HECW1: variants seen among roughly 807,000 people sequenced by gnomAD.
HECW1 encodes the protein E3 ubiquitin-protein ligase HECW1.
A neutral mutation model predicts 182.3 loss-of-function variants in HECW1; 61 were observed. The observed-to-expected ratio is 0.33, with a 90% CI of 0.27 to 0.41. The LOEUF is 0.41. Ranked by LOEUF, HECW1 falls within the 10% of genes least tolerant of loss-of-function variation. HECW1 has a pLI of 1.00. For missense variants in HECW1, 1,739 were observed against 2,108.9 expected (o/e 0.82, Z 3.44); for synonymous variants, 859 against 832.6 (o/e 1.03, Z -0.55).
intron 6 of HECW1, among the ~76,000 whole-genome samples, chr7:43,371,589 G>A (rs1245235057): frequency 4.6e-5 from 7 of 152,096 alleles, no homozygotes; most frequent in African/African-American, 1.7e-4. Context: ...TTTTTTTCAA[G>A]GCAGTTTAGC....
intron 3 of HECW1, chr7:43,274,122 GA>G: frequency 2.5e-6 from 1 of 396,448 alleles, no homozygotes. Context: ...AAGTGCTGGA[GA>G]AAAGCGCGGG....
At chr7:43,408,808 G>A (rs990335130) in intron 8 of HECW1, among the ~76,000 whole-genome samples, 1 of 152,188 alleles carries the variant, frequency 6.6e-6, no homozygotes, top group African/African-American at 2.4e-5. Context: ...GGTCATGAGA[G>A]TGGATGGGGT....
chr7:43,452,238 A>G (rs2077258391), intron 12 of HECW1, among the ~76,000 whole-genome samples: 1 of 152,238 alleles, frequency 6.6e-6, no homozygotes, highest in African/African-American at 2.4e-5. Flanking sequence ...TATGTATAAC[A>G]TGTTATCTCC....
chr7:43,463,520 A>C, intron 13 of HECW1, 140 bp from the exon 14 acceptor site: 2 of 729,888 alleles, frequency 2.7e-6, no homozygotes, highest in South Asian at 3.9e-5. Flanking sequence ...TGTTCTGGCT[A>C]TCTTGTGGGA....
chr7:43,496,619 T>C (rs1384691261), intron 19 of HECW1, among the ~76,000 whole-genome samples: 1 of 152,296 alleles, frequency 6.6e-6, no homozygotes, highest in Admixed American at 6.5e-5. Flanking sequence ...CCAGAAGAAC[T>C]CATGGCTTCC....
intron 26 of HECW1, among the ~76,000 whole-genome samples, chr7:43,544,135 G>A (rs531198430): frequency 2.6e-5 from 4 of 152,048 alleles, no homozygotes; most frequent in East Asian, 1.9e-4. Context: ...TACAGATATC[G>A]CACAAATTCT....
chr7:43,492,272 C>G (rs1401252589), intron 18 of HECW1, 92 bp downstream of exon 18: 4 of 857,024 alleles, frequency 4.7e-6, no homozygotes, highest in Non-Finnish European at 7.5e-6. Flanking sequence ...TGTCATGAAC[C>G]CTTTACTATT....
In HECW1 at chr7:43,392,295, TGTAAATGGA is replaced by T. The variant is rs541971635; in HGVS notation, c.556-4516_556-4508del. Among the ~76,000 whole-genome samples the T allele has an allele frequency of 1.3e-3, 193 of 152,294 alleles. 1 individual carries two copies. The highest frequency in any genetic ancestry group is 4.3e-3 in the African/African-American group (177 of 41,546). On this transcript the variant is annotated intron_variant, in intron 6 of 29. Coordinates refer to ENST00000395891, the MANE Select transcript of HECW1 (RefSeq NM_015052.5). ...AATTATTTGAGAATAATCGTGGGTA[TGTAAATGGA>T]GTTATCACATCAGAATTGAGCATAA...
At position 43,444,859 on chromosome 7, in the gene HECW1, A is replaced by G; in HGVS notation, c.1687A>G (p.Ile563Val). Residue 563 changes from isoleucine to valine, a missense_variant, in exon 11 of 30, where the codon ATC becomes GTC. By Grantham distance (29) the Ile-to-Val change is conservative. This residue lies in a region of HECW1 where 971 missense variants were observed against 1,029.1 expected (regional missense o/e 0.94). Transcript: ENST00000395891. The surrounding 1 kb of genome is among the most constrained non-coding windows in gnomAD (Gnocchi z 4.3). ...GACCCCGCGGACACACTACATCCGC[A>G]TCCACACCCTGCTGCACAGCATGCC... ...PETPRTHYIR[I>V]HTLLHSMPSA... 6.2e-7 allele frequency: 1 copy of G among 1,612,942 alleles called. No homozygotes were observed.
intron 7 of HECW1, among the ~76,000 whole-genome samples, chr7:43,398,464 A>C (rs1554399005): frequency 1.2e-4 from 18 of 152,178 alleles, no homozygotes; most frequent in Non-Finnish European, 1.5e-5. Flanking sequence ...CAGATGTTGC[A>C]GGCCATGAAT....
At chr7:43,194,075 G>C (rs983556939) in intron 2 of HECW1, among the ~76,000 whole-genome samples, 1 of 152,120 alleles carries the variant, frequency 6.6e-6, no homozygotes, top group Non-Finnish European at 1.5e-5. Flanking sequence ...TCAATCTTGG[G>C]ATCTCTTTTA....
At chr7:43,511,578 C>G (rs2079873526) in intron 24 of HECW1, 2 of 152,270 alleles carry the variant, frequency 1.3e-5, no homozygotes, top group African/African-American at 4.8e-5. Flanking sequence ...AACTGGTTTT[C>G]TTTGCACAGA....
intron 2 of HECW1, among the ~76,000 whole-genome samples, chr7:43,234,243 C>T (rs1035352257): frequency 6.6e-6 from 1 of 152,192 alleles, no homozygotes. Flanking sequence ...TCCCAACTTC[C>T]TCCCTCCTCA....
chr7:43,325,712 C>T (rs993522090), intron 5 of HECW1, among the ~76,000 whole-genome samples: 15 of 152,248 alleles, frequency 9.9e-5, no homozygotes, highest in African/African-American at 3.6e-4. Flanking sequence ...CGTGCCTTGC[C>T]CTAGTGTCCT....
intron 8 of HECW1, among the ~76,000 whole-genome samples, chr7:43,428,121 A>G (rs544717176): frequency 6.6e-6 from 1 of 152,330 alleles, no homozygotes; most frequent in African/African-American, 2.4e-5. Context: ...TCTCTACCAC[A>G]TTTATTATCC....
chr7:43,434,690 G>A (rs533487602), intron 8 of HECW1, among the ~76,000 whole-genome samples: 4 of 152,280 alleles, frequency 2.6e-5, no homozygotes, highest in South Asian at 4.1e-4. Context: ...TGGAGAAAAG[G>A]GCCTGGTGGG....
At chr7:43,514,774 C>T (rs969161507) in intron 24 of HECW1, among the ~76,000 whole-genome samples, 1 of 151,744 alleles carries the variant, frequency 6.6e-6, no homozygotes, top group Non-Finnish European at 1.5e-5. Context: ...CTAAATATAC[C>T]AGGCACTGTC....
At chr7:43,137,528 T>TTTATTTATTTA (rs1562585528) in intron 2 of HECW1, among the ~76,000 whole-genome samples, 6,935 of 147,498 alleles carry the variant, frequency 0.047, 232 homozygotes, top group African/African-American at 0.074. Context: ...TTCTGCCTTC[T>TTTATTTATTTA]TTTATTTATT....
intron 2 of HECW1, among the ~76,000 whole-genome samples, chr7:43,205,476 G>T (rs1354438725): frequency 6.6e-6 from 1 of 152,128 alleles, no homozygotes; most frequent in Middle Eastern, 3.2e-3. Flanking sequence ...GACTTTTCCT[G>T]TAGTGGGGTG....
Sources: gnomAD v4.1 joint callset for allele counts (sites outside exome capture counted in the v4.1 genomes callset) on GRCh38, gnomAD v4.1.1 for gene constraint, gnomAD v4.1.1 regional missense constraint, Gnocchi (gnomAD v3.1) non-coding constraint, MANE v1.5 for transcripts, NCBI Gene and HGNC (gene_info 2026-07-23, HGNC 2026-07-21) for gene names.